Variants in CFAP61 observed in about 807,000 individuals in gnomAD.
CFAP61 encodes cilia- and flagella-associated protein 61.
A neutral mutation model predicts 135.6 loss-of-function variants in CFAP61; 107 were observed. That is an observed-to-expected ratio of 0.79 (90% CI 0.67 to 0.93). The LOEUF (loss-of-function observed/expected upper bound fraction) is 0.93, where lower values mean the gene tolerates loss of function less well. Ranked by LOEUF, CFAP61 falls within the 40% of genes least tolerant of loss-of-function variation. The pLI is 0.00. For synonymous variants in CFAP61, 575 were observed against 578.5 expected (o/e 0.99, Z 0.09); for missense variants, 1,507 against 1,556.2 (o/e 0.97, Z 0.53).
intron 21 of CFAP61, among the ~76,000 whole-genome samples, chr20:20,269,152 C>CATGTATGTATATAT (rs1357943800): frequency 3.4e-5 from 3 of 89,514 alleles, no homozygotes; most frequent in Non-Finnish European, 7.7e-5. Flanking sequence ...TATATACACA[C>CATGTATGTATATAT]ACACACACAC....
rs564235592 is a variant in CFAP61 at position 20,309,825 on chromosome 20, A to AT, written c.3422+11443dup. Among the ~76,000 whole-genome samples the AT allele has an allele frequency of 4.5e-3, 446 of 99,682 alleles. 2 individuals are homozygous for AT. Among genetic ancestry groups the AT allele is most frequent in the African/African-American group, 0.017 (438 of 25,620 alleles). The allele number at this position is 99,682 out of a possible 152,430, so 65.4% of individuals were successfully genotyped here. ...GAAAATATTAGAACTTCTGTTTATA[A>AT]TTTTATCTTTAAAAAAAAAACAGAA... On this transcript the variant is annotated intron_variant, in intron 25 of 26. Transcript: ENST00000245957.
At chr20:20,055,489 C>G (rs918519748) in intron 1 of CFAP61, among the ~76,000 whole-genome samples, 1 of 152,296 alleles carries the variant, frequency 6.6e-6, no homozygotes, top group East Asian at 1.9e-4. Flanking sequence ...TTTTAATTCT[C>G]TGTTTGGAGT....
chr20:20,071,029 T>G, intron 3 of CFAP61, 25 bp downstream of exon 3: 1 of 1,608,478 alleles, frequency 6.2e-7, no homozygotes, highest in Non-Finnish European at 8.5e-7. Flanking sequence ...ACAGTGCTTG[T>G]TAGAACACCC....
chr20:20,168,231 TA>T (rs996981432), intron 12 of CFAP61, among the ~76,000 whole-genome samples: 32 of 149,786 alleles, frequency 2.1e-4, no homozygotes, highest in African/African-American at 6.4e-4. Flanking sequence ...CCCAGCTAAT[TA>T]AAAAAAAAAT....
At chr20:20,194,187 G>T (rs573197411) in intron 15 of CFAP61, among the ~76,000 whole-genome samples, 31 of 151,912 alleles carry the variant, frequency 2.0e-4, no homozygotes, top group African/African-American at 7.5e-4. Context: ...TTCTTTTTTA[G>T]ATGGATATTA....
At chr20:20,120,392 T>G (rs1000276404) in intron 8 of CFAP61, among the ~76,000 whole-genome samples, 2 of 152,200 alleles carry the variant, frequency 1.3e-5, no homozygotes, top group African/African-American at 2.4e-5. Context: ...CTTCATTGAC[T>G]CATTGAAAAT....
chr20:20,346,044 GGCGCCCGCCACC>G, intron 26 of CFAP61, among the ~76,000 whole-genome samples: 1 of 141,528 alleles, frequency 7.1e-6, no homozygotes, highest in East Asian at 2.2e-4. Context: ...TGGGACTACA[GGCGCCCGCCACC>G]GCGCCCGGCT....
intron 9 of CFAP61, among the ~76,000 whole-genome samples, chr20:20,157,406 G>A (rs547255211): frequency 5.9e-5 from 9 of 152,260 alleles, no homozygotes; most frequent in African/African-American, 1.9e-4. Flanking sequence ...TGAAGATAGT[G>A]TAATATAGGT....
chr20:20,314,391 C>CAA (rs528868861), intron 25 of CFAP61, among the ~76,000 whole-genome samples: 56 of 58,900 alleles, frequency 9.5e-4, no homozygotes, highest in African/African-American at 2.6e-3. Context: ...GACCCCATCT[C>CAA]AAAAAAAAAA....
intron 6 of CFAP61, among the ~76,000 whole-genome samples, chr20:20,088,799 T>C (rs1568872098): frequency 6.6e-6 from 1 of 152,292 alleles, no homozygotes; most frequent in South Asian, 2.1e-4. Context: ...TGAAGTTTTA[T>C]AGACCAGAGA....
intron 26 of CFAP61, among the ~76,000 whole-genome samples, chr20:20,342,781 GTGGAGAAGCCAC>G (rs1284073181): frequency 6.6e-6 from 1 of 152,224 alleles, no homozygotes; most frequent in African/African-American, 2.4e-5. Flanking sequence ...TTTAAGGAGA[GTGGAGAAGCCAC>G]TGTTATCATC....
intron 25 of CFAP61, chr20:20,322,836 A>C: frequency 4.1e-6 from 4 of 985,422 alleles, no homozygotes; most frequent in Non-Finnish European, 4.8e-6. Context: ...CATAGAAGAC[A>C]TTCATCTTGC....
chr20:20,293,353 TTTAA>T (rs1298059329), intron 24 of CFAP61, among the ~76,000 whole-genome samples: 1 of 152,250 alleles, frequency 6.6e-6, no homozygotes, highest in East Asian at 1.9e-4. Context: ...GACCCCTGAC[TTTAA>T]TTAACCATTT....
At chr20:20,160,527 C>T (rs1373251238) in intron 10 of CFAP61, among the ~76,000 whole-genome samples, 1 of 152,158 alleles carries the variant, frequency 6.6e-6, no homozygotes, top group Non-Finnish European at 1.5e-5. Flanking sequence ...CCCATTTCTC[C>T]TTACTGAATT....
intron 2 of CFAP61, among the ~76,000 whole-genome samples, chr20:20,058,906 G>A (rs1256674950): frequency 6.6e-6 from 1 of 152,058 alleles, no homozygotes; most frequent in Non-Finnish European, 1.5e-5. Flanking sequence ...AAGGAAACAT[G>A]TATCATTAGA....
intron 6 of CFAP61, among the ~76,000 whole-genome samples, chr20:20,077,903 TA>T (rs2046169414): frequency 1.3e-5 from 2 of 152,196 alleles, no homozygotes; most frequent in African/African-American, 4.8e-5. Flanking sequence ...TTATCAGACT[TA>T]AAAATATGCC....
At chr20:20,060,563 C>T (rs531453648) in intron 2 of CFAP61, among the ~76,000 whole-genome samples, 1 of 152,164 alleles carries the variant, frequency 6.6e-6, no homozygotes, top group East Asian at 1.9e-4. Flanking sequence ...TGAAAGAATC[C>T]TTCAGGTTTT....
intron 9 of CFAP61, 106 bp from the exon 10 acceptor site, chr20:20,159,264 A>C (rs768928264): frequency 3.1e-6 from 3 of 977,482 alleles, no homozygotes; most frequent in Non-Finnish European, 4.9e-6. Context: ...CAAGGCCAGT[A>C]AGCTGTAGAG....
At chr20:20,055,839 T>C (rs1024823363) in intron 1 of CFAP61, 8 of 815,340 alleles carry the variant, frequency 9.8e-6, no homozygotes, top group Non-Finnish European at 1.7e-5. Flanking sequence ...CTGGCTAGTA[T>C]ATAATAAAAT....
Sources: allele counts gnomAD v4.1 joint callset (sites outside exome capture counted in the v4.1 genomes callset), GRCh38; gene constraint gnomAD v4.1.1; transcripts MANE v1.5; gene names NCBI Gene and HGNC (gene_info 2026-07-23, HGNC 2026-07-21).